Variants in MTR observed in about 807,000 individuals in gnomAD.
The protein encoded by MTR is methionine synthase.
A neutral mutation model predicts 154.8 loss-of-function variants in MTR; 84 were observed. The observed-to-expected ratio is 0.54, with a 90% CI of 0.45 to 0.65. MTR has a LOEUF of 0.65. Ranked by LOEUF, MTR falls within the 30% of genes least tolerant of loss-of-function variation. MTR has a pLI of 0.00. For missense variants in MTR, 1,275 were observed against 1,570.2 expected (o/e 0.81, Z 3.18); for synonymous variants, 554 against 553.9 (o/e 1.00, Z 0.00).
At chr1:236,801,485 C>T (rs1380967251) in intron 1 of MTR, among the ~76,000 whole-genome samples, 3 of 152,224 alleles carry the variant, frequency 2.0e-5, no homozygotes, top group African/African-American at 7.2e-5. Flanking sequence ...ACTTGAGACT[C>T]TGGACAGTAA....
intron 8 of MTR, among the ~76,000 whole-genome samples, chr1:236,820,909 G>T (rs1661899422): frequency 6.6e-6 from 1 of 152,196 alleles, no homozygotes; most frequent in Non-Finnish European, 1.5e-5. Context: ...ATAATTTTGA[G>T]CATCTTTTCA....
chr1:236,807,328 C>T (rs186280775), intron 3 of MTR, among the ~76,000 whole-genome samples: 1 of 152,304 alleles, frequency 6.6e-6, no homozygotes, highest in African/African-American at 2.4e-5. Flanking sequence ...CTTGCTCTAC[C>T]ATGCCCTGCT....
chr1:236,874,904 G>T, intron 24 of MTR, 58 bp downstream of exon 24: 1 of 1,562,692 alleles, frequency 6.4e-7, no homozygotes, highest in South Asian at 1.1e-5. Flanking sequence ...GCCAGTGTTT[G>T]AAACAGTGGG....
Position 236,824,316 on chromosome 1 carries a change from C to T in MTR, c.865+97C>T, listed in dbSNP as rs1402578085. 4 of 1,067,346 alleles carry T rather than the reference C, an allele frequency of 3.7e-6. No individual in the cohort carries two copies. In the African/African-American group the frequency reaches 6.2e-5, roughly 17 times the overall value. 66.1% of individuals were successfully genotyped at this position (1,067,346 alleles called of 1,614,324 possible). ...ATCTTGAATAAAAGATCTTGTTTTG[C>T]CGGTGTTGGTATAGTTGACACTTAA... On this transcript the variant is annotated intron_variant, in intron 9 of 32. Transcript: ENST00000366577.
chr1:236,845,451 T>C (rs1283378705), intron 15 of MTR, among the ~76,000 whole-genome samples: 1 of 152,230 alleles, frequency 6.6e-6, no homozygotes. Context: ...CAGAGTGTAG[T>C]ATAAACTGGT....
At chr1:236,805,786 C>T (rs953121172) in intron 2 of MTR, among the ~76,000 whole-genome samples, 1 of 152,144 alleles carries the variant, frequency 6.6e-6, no homozygotes, top group African/African-American at 2.4e-5. Flanking sequence ...GCGTGAGCCA[C>T]CATGCCTGGC....
At chr1:236,797,440 T>A (rs527324301) in intron 1 of MTR, among the ~76,000 whole-genome samples, 2 of 152,292 alleles carry the variant, frequency 1.3e-5, no homozygotes, top group Non-Finnish European at 2.9e-5. Flanking sequence ...TCTAAAAGTT[T>A]CTTGGTTTCA....
At chr1:236,889,457 A>G in intron 28 of MTR, 121 bp downstream of exon 28, 3 of 1,345,060 alleles carry the variant, frequency 2.2e-6, no homozygotes, top group East Asian at 2.3e-5. Flanking sequence ...CTGCTTTCAT[A>G]TTGCTCACCT....
intron 32 of MTR, among the ~76,000 whole-genome samples, 192 bp downstream of exon 32, chr1:236,897,310 G>GCGCGCGCGCGCACACACACACACACACA: frequency 3.9e-4 from 50 of 128,678 alleles, no homozygotes; most frequent in East Asian, 6.9e-4. Context: ...CCACACACAC[G>GCGCGCGCGCGCACACACACACACACACA]CACACACACA....
In MTR at chr1:236,895,500, A is replaced by G; in HGVS notation, c.3548A>G (p.His1183Arg). ...PAPGYPSQPD[H>R]TEKLTMWRLA... ...CCTGGCTACCCCAGCCAGCCCGACCACACCGAGAAGCTCACCATGTGGAGA... is the reference window on the plus strand; with the variant it reads ...CCTGGCTACCCCAGCCAGCCCGACCGCACCGAGAAGCTCACCATGTGGAGA... The change falls in exon 31 of 33, where the codon CAC (histidine) becomes CGC (arginine). Residue 1183 changes from histidine to arginine, a missense_variant. By Grantham distance (29) the His-to-Arg change is conservative. Coordinates refer to ENST00000366577, the MANE Select transcript of MTR (RefSeq NM_000254.3). The G allele has an allele frequency of 1.3e-6, 2 of 1,593,810 alleles. No individual in the cohort carries two copies. Among genetic ancestry groups the G allele is most frequent in the South Asian group, 2.3e-5 (2 of 87,568 alleles).
At chr1:236,832,190 G>T (rs1662653105) in intron 13 of MTR, 112 bp downstream of exon 13, 1 of 907,768 alleles carries the variant, frequency 1.1e-6, no homozygotes. Flanking sequence ...CTGCTAGAAA[G>T]TGTGAGAAGA....
Position 236,894,546 on chromosome 1 carries a change from C to T in MTR, c.3394C>T (p.Arg1132Trp), listed in dbSNP as rs201991154. Residue 1132 changes from arginine to tryptophan, a missense_variant, in exon 30 of 33, where the codon CGG becomes TGG. By Grantham distance (101) the Arg-to-Trp change is moderately radical. Transcript: ENST00000366577. ...SSIMVKALGD[R>W]LAEAFAEELH... ...CATCATGGTCAAGGCGCTGGGGGAC[C>T]GGCTGGCAGAGGTAAGGCAGAGGCA... 15 of 1,613,986 alleles carry T rather than the reference C, an allele frequency of 9.3e-6. No individual in the cohort carries two copies. Among genetic ancestry groups the T allele is most frequent in the East Asian group, 2.2e-5 (1 of 44,862 alleles).
intron 18 of MTR, among the ~76,000 whole-genome samples, chr1:236,854,205 G>A (rs1229430992): frequency 6.6e-6 from 1 of 152,172 alleles, no homozygotes; most frequent in Admixed American, 6.5e-5. Flanking sequence ...CTTACTGGTA[G>A]TAAGACTTAG....
chr1:236,807,773 T>G (rs938523531), intron 3 of MTR, among the ~76,000 whole-genome samples: 1 of 152,208 alleles, frequency 6.6e-6, no homozygotes, highest in African/African-American at 2.4e-5. Context: ...AGAGCAGAAG[T>G]TGGCCAACGT....
chr1:236,811,890 C>T (rs921809120), intron 5 of MTR, among the ~76,000 whole-genome samples: 3 of 152,162 alleles, frequency 2.0e-5, no homozygotes, highest in African/African-American at 2.4e-5. Flanking sequence ...AACCTGTCAA[C>T]GATGTTACAA....
chr1:236,857,710 C>G (rs1477978430), intron 18 of MTR, among the ~76,000 whole-genome samples: 1 of 152,192 alleles, frequency 6.6e-6, no homozygotes, highest in Non-Finnish European at 1.5e-5. Flanking sequence ...GTGATACATG[C>G]AGAAATGTAT....
chr1:236,874,990 G>A (rs1302218621), intron 24 of MTR, 144 bp downstream of exon 24: 2 of 981,684 alleles, frequency 2.0e-6, no homozygotes, highest in South Asian at 3.0e-5. Context: ...ACATTTTCTG[G>A]TGTTCACTTG....
At chr1:236,892,351 C>T (rs970598698) in intron 29 of MTR, among the ~76,000 whole-genome samples, 6 of 151,882 alleles carry the variant, frequency 4.0e-5, no homozygotes, top group Admixed American at 6.6e-5. Flanking sequence ...GAGTGCAGGC[C>T]TGTACTTCTT....
At chr1:236,802,292 G>A (rs1660740523) in intron 1 of MTR, among the ~76,000 whole-genome samples, 1 of 152,206 alleles carries the variant, frequency 6.6e-6, no homozygotes. Flanking sequence ...CAGGTGGGTA[G>A]TTGAGGTAGC....
Sources: allele counts gnomAD v4.1 joint callset (sites outside exome capture counted in the v4.1 genomes callset), GRCh38; gene constraint gnomAD v4.1.1; transcripts MANE v1.5; gene names NCBI Gene and HGNC (gene_info 2026-07-23, HGNC 2026-07-21).